AFF1: variants seen among roughly 807,000 people sequenced by gnomAD.
The protein encoded by AFF1 is ALF transcription elongation factor 1, also known as AF4/FMR2 family member 1.
Under a neutral mutation model 121.7 loss-of-function variants are expected in AFF1, and 48 were observed. The observed-to-expected ratio is 0.39, with a 90% CI of 0.31 to 0.50. The LOEUF is 0.50. Ranked by LOEUF, AFF1 falls within the 20% of genes least tolerant of loss-of-function variation. AFF1 has a pLI of 0.76. For missense variants in AFF1, 1,523 were observed against 1,511.7 expected (o/e 1.01, Z -0.12); for synonymous variants, 613 against 563.0 (o/e 1.09, Z -1.26).
chr4:86,981,417 G>T (rs1169181424), intron 2 of AFF1, among the ~76,000 whole-genome samples: 5 of 151,934 alleles, frequency 3.3e-5, no homozygotes, highest in Non-Finnish European at 5.9e-5. Context: ...GCTCAGGCTG[G>T]AGTGCAGTGG....
rs1410674568 is a variant in AFF1, at chr4:87,138,318, C to T, written c.*2617C>T. The T allele has an allele frequency of 8.6e-6, 2 of 232,062 alleles. No individual in the cohort carries two copies. The highest frequency in any genetic ancestry group is 4.4e-5 in the African/African-American group (2 of 45,252). 14.4% of individuals were successfully genotyped at this position (232,062 alleles called of 1,614,324 possible). A position where few individuals can be genotyped will look rare whatever the true frequency, so the allele number is the denominator to read the frequency against. Reference sequence around the variant, plus strand: ...TTTTTCACTGCATGCTTACAATTCCCAAAGGCAAAATCTGTACTGAGGTAG... The same window carrying T: ...TTTTTCACTGCATGCTTACAATTCCTAAAGGCAAAATCTGTACTGAGGTAG... On this transcript the variant is annotated 3_prime_UTR_variant, in exon 21 of 21. Transcript: ENST00000395146.
intron 2 of AFF1, among the ~76,000 whole-genome samples, chr4:86,968,506 C>T (rs1004702629): frequency 4.6e-5 from 7 of 152,142 alleles, no homozygotes; most frequent in African/African-American, 1.2e-4. Flanking sequence ...TATGATATTT[C>T]GACTGTGCCC....
chr4:87,079,294 A>T (rs3775223), intron 4 of AFF1, among the ~76,000 whole-genome samples: 48,448 of 152,126 alleles, frequency 0.32, 8,252 homozygotes, highest in South Asian at 0.47. Flanking sequence ...TTTTTAGCTT[A>T]TTAAAACAAA....
chr4:87,097,745 A>G (rs1048464187), intron 8 of AFF1, among the ~76,000 whole-genome samples: 1 of 152,140 alleles, frequency 6.6e-6, no homozygotes, highest in Non-Finnish European at 1.5e-5. Flanking sequence ...ACGTGGTGGT[A>G]TTGATAAGTG....
At chr4:86,940,772 C>G (rs1235896535) in intron 1 of AFF1, among the ~76,000 whole-genome samples, 6 of 151,622 alleles carry the variant, frequency 4.0e-5, no homozygotes, top group Non-Finnish European at 1.5e-5. Flanking sequence ...TTTTATTTTT[C>G]TTTCCCCTAA....
intron 4 of AFF1, among the ~76,000 whole-genome samples, chr4:87,067,071 T>G (rs1721433801): frequency 6.6e-6 from 1 of 152,212 alleles, no homozygotes; most frequent in Non-Finnish European, 1.5e-5. Context: ...TATCATTCCC[T>G]TTCCCCTTTC....
intron 2 of AFF1, among the ~76,000 whole-genome samples, chr4:86,992,672 A>G (rs748116499): frequency 5.9e-5 from 9 of 152,202 alleles, no homozygotes; most frequent in Non-Finnish European, 1.3e-4. Flanking sequence ...TTATAATTGT[A>G]TTAGCAAGGG....
At chr4:87,013,440 G>A (rs1322035263) in intron 2 of AFF1, among the ~76,000 whole-genome samples, 1 of 152,106 alleles carries the variant, frequency 6.6e-6, no homozygotes, top group Non-Finnish European at 1.5e-5. Flanking sequence ...CTTATCTAAA[G>A]GAACTCAAGC....
At chr4:87,049,587 TGG>T in intron 4 of AFF1, 2 of 430,866 alleles carry the variant, frequency 4.6e-6, no homozygotes, top group Admixed American at 2.6e-5. Flanking sequence ...GTTTTTTTTT[TGG>T]CACCAGTGCA....
chr4:87,095,612 C>A (rs1465147487), intron 8 of AFF1, among the ~76,000 whole-genome samples: 1 of 152,028 alleles, frequency 6.6e-6, no homozygotes, highest in African/African-American at 2.4e-5. Flanking sequence ...GGGATGTGCA[C>A]AATTGAAGAT....
intron 8 of AFF1, among the ~76,000 whole-genome samples, chr4:87,102,110 T>C (rs932719260): frequency 2.0e-5 from 3 of 152,250 alleles, no homozygotes; most frequent in African/African-American, 4.8e-5. Flanking sequence ...AATTGTTTGT[T>C]ACCTGTAAGC....
At chr4:87,118,543 C>A (rs540803404) in intron 12 of AFF1, among the ~76,000 whole-genome samples, 1 of 152,290 alleles carries the variant, frequency 6.6e-6, no homozygotes, top group Admixed American at 6.5e-5. Context: ...GAGACAGGGT[C>A]TCGCTCTGTT....
intron 1 of AFF1, among the ~76,000 whole-genome samples, chr4:86,940,089 C>T (rs1578809461): frequency 6.6e-6 from 1 of 152,060 alleles, no homozygotes; most frequent in East Asian, 1.9e-4. Flanking sequence ...GAGGCAGAGG[C>T]GAAAGGATCA....
chr4:87,137,210 A>C lies in AFF1; in HGVS notation c.*1509A>C, dbSNP rs1729371874. ...ACACTTACTACAATTGAGGAGTGTCATCTCTATAACTTTTTCTCCGCCTTT... is the reference window on the plus strand; with the variant it reads ...ACACTTACTACAATTGAGGAGTGTCCTCTCTATAACTTTTTCTCCGCCTTT... On this transcript the variant is annotated 3_prime_UTR_variant, in exon 21 of 21. Transcript: ENST00000395146. 1 of 228,194 alleles carries C rather than the reference A, an allele frequency of 4.4e-6. No homozygotes were observed. The highest frequency in any genetic ancestry group is 5.7e-5 in the Admixed American group (1 of 17,586). The allele number at this position is 228,194 out of a possible 1,614,324, so 14.1% of individuals were successfully genotyped here. A position where few individuals can be genotyped will look rare whatever the true frequency, so the allele number is the denominator to read the frequency against.
At chr4:87,057,663 C>T (rs552859568) in intron 4 of AFF1, among the ~76,000 whole-genome samples, 5 of 152,000 alleles carry the variant, frequency 3.3e-5, no homozygotes, top group Non-Finnish European at 4.4e-5. Context: ...GAAGACTGAT[C>T]GTATTGTTTA....
At position 87,131,881 on chromosome 4, in the gene AFF1, G is replaced by C. The variant is rs184363600; in HGVS notation, c.3173+17G>C. On this transcript the variant is annotated intron_variant, in intron 18 of 20. Coordinates refer to ENST00000395146, the MANE Select transcript of AFF1 (RefSeq NM_001166693.3). ...TGTTTTATGGTGCGTATTTTCCTTT[G>C]TCTAAATAGTACTAAATTTGTTTTT... 1.3e-6 allele frequency: 2 copies of C among 1,547,486 alleles called. No homozygotes were observed. The highest frequency in any genetic ancestry group is 2.3e-5 in the Admixed American group (1 of 43,230).
intron 4 of AFF1, among the ~76,000 whole-genome samples, chr4:87,068,441 T>G (rs980726833): frequency 2.6e-5 from 4 of 152,264 alleles, no homozygotes; most frequent in African/African-American, 9.6e-5. Context: ...ACTATTTTGC[T>G]TGTGTGCTAT....
At chr4:86,957,985 A>G (rs1478341715) in intron 2 of AFF1, among the ~76,000 whole-genome samples, 1 of 152,036 alleles carries the variant, frequency 6.6e-6, no homozygotes, top group Non-Finnish European at 1.5e-5. Flanking sequence ...CTAAAAATAT[A>G]TGGACATTTC....
chr4:87,029,225 T>C (rs990921117), intron 2 of AFF1, among the ~76,000 whole-genome samples: 5 of 152,192 alleles, frequency 3.3e-5, no homozygotes, highest in Admixed American at 6.5e-5. Flanking sequence ...GTTGGGAATC[T>C]GTGATTAGGC....
Sources: allele counts gnomAD v4.1 joint callset (sites outside exome capture counted in the v4.1 genomes callset), GRCh38; gene constraint gnomAD v4.1.1; transcripts MANE v1.5; gene names NCBI Gene and HGNC (gene_info 2026-07-23, HGNC 2026-07-21).